The following CHD9 variants were observed in gnomAD, a reference collection of about 807,000 sequenced individuals.
CHD9 encodes ATP-dependent chromatin remodeler CHD9.
Under a neutral mutation model 316.1 loss-of-function variants are expected in CHD9, and 77 were observed. The observed-to-expected ratio is 0.24, with a 90% confidence interval of 0.20 to 0.29. The LOEUF (loss-of-function observed/expected upper bound fraction) is 0.29, where lower values mean the gene tolerates loss of function less well. Among genes scored for constraint, CHD9 ranks in the 10% least tolerant of loss-of-function variants. The pLI, the probability that CHD9 is intolerant of heterozygous loss-of-function variation, is 1.00. For missense variants in CHD9, 2,763 were observed against 3,438.1 expected (o/e 0.80, Z 4.91); for synonymous variants, 1,129 against 1,158.3 (o/e 0.97, Z 0.51).
intron 2 of CHD9, among the ~76,000 whole-genome samples, chr16:53,209,024 A>T (rs1316152900): frequency 6.6e-6 from 1 of 152,160 alleles, no homozygotes; most frequent in African/African-American, 2.4e-5. Flanking sequence ...TTCAGGTTGT[A>T]GTCGTAAAGC....
At chr16:53,251,637 A>G (rs1049942154) in intron 17 of CHD9, among the ~76,000 whole-genome samples, 6 of 152,218 alleles carry the variant, frequency 3.9e-5, no homozygotes, top group African/African-American at 1.4e-4. Flanking sequence ...TCTGAAGATA[A>G]TGGAAAGGTG....
intron 1 of CHD9, among the ~76,000 whole-genome samples, chr16:53,073,798 G>T (rs1396080705): frequency 6.6e-6 from 1 of 152,168 alleles, no homozygotes; most frequent in Non-Finnish European, 1.5e-5. Flanking sequence ...CAGCCATGTG[G>T]AACAATTAAA....
chr16:53,280,682 A>T (rs906713310), intron 24 of CHD9, among the ~76,000 whole-genome samples: 9 of 134,786 alleles, frequency 6.7e-5, no homozygotes, highest in African/African-American at 8.5e-5. Flanking sequence ...AATACAATTT[A>T]AAAAAAAAAA....
chr16:53,223,350 C>G (rs2047402767), intron 4 of CHD9: 1 of 151,142 alleles, frequency 6.6e-6, no homozygotes, highest in Non-Finnish European at 1.5e-5. Flanking sequence ...ACCCTCTGCT[C>G]TCTAATAACT....
intron 30 of CHD9, among the ~76,000 whole-genome samples, chr16:53,302,831 A>G (rs2055570556): frequency 6.6e-6 from 1 of 152,198 alleles, no homozygotes; most frequent in South Asian, 2.1e-4. Flanking sequence ...GCATTGTTTC[A>G]GCAAGCCCAT....
intron 2 of CHD9, among the ~76,000 whole-genome samples, chr16:53,201,604 A>G (rs2045460919): frequency 6.6e-6 from 1 of 152,174 alleles, no homozygotes; most frequent in Admixed American, 6.5e-5. Context: ...TTATTCCAGA[A>G]TATAAATTTT....
rs1364059645 is a variant in CHD9 at position 53,274,268 on chromosome 16, G to A, written c.4933G>A (p.Glu1645Lys). The A allele has an allele frequency of 5.0e-6, 8 of 1,598,296 alleles. No homozygotes were observed. In the South Asian group the frequency reaches 6.9e-5, roughly 14 times the overall value. The change falls in exon 24 of 39, where the codon GAG (glutamate) becomes AAG (lysine). Residue 1645 changes from glutamate to lysine, a missense_variant. Transcript: ENST00000447540. ...TCTAAAGCAAGAAGTTATTGGAAAT[G>A]AGTGTCAGAAAGTATTTGATGGAGT... ...YYLKQEVIGN[E>K]CQKVFDGVDA...
intron 3 of CHD9, among the ~76,000 whole-genome samples, chr16:53,210,366 A>G (rs914034824): frequency 1.3e-4 from 20 of 152,002 alleles, no homozygotes; most frequent in Admixed American, 1.0e-3. Context: ...TTACTTCCAT[A>G]TAGTCTGATT....
chr16:53,261,026 T>C (rs2051038649), intron 19 of CHD9, among the ~76,000 whole-genome samples: 2 of 151,214 alleles, frequency 1.3e-5, no homozygotes, highest in Non-Finnish European at 2.9e-5. Context: ...TTTATCACAT[T>C]CATCAGTTCA....
At chr16:53,255,374 G>A (rs1358566765) in intron 18 of CHD9, among the ~76,000 whole-genome samples, 2 of 152,112 alleles carry the variant, frequency 1.3e-5, no homozygotes, top group Admixed American at 6.6e-5. Context: ...CTTAGGCCTT[G>A]TTTTAACCAA....
In CHD9 at chr16:53,196,006, C is replaced by T. The variant is rs546521527; in HGVS notation, c.1453-13476C>T. 2.0e-5 allele frequency among the ~76,000 whole-genome samples: 3 copies of T among 152,180 alleles called. No individual in the cohort carries two copies. In the South Asian group the frequency reaches 6.2e-4, roughly 32 times the overall value. ...TGCTTGGCCTCAAATGATTCACTTG[C>T]CTCAGCCTCCCAAAGTGCTGAGATT... is the stretch of plus-strand genomic sequence containing the variant. On this transcript the variant is annotated intron_variant, in intron 2 of 38. Transcript: ENST00000447540.
At chr16:53,157,942 C>T (rs2041635986) in intron 2 of CHD9, among the ~76,000 whole-genome samples, 1 of 152,020 alleles carries the variant, frequency 6.6e-6, no homozygotes, top group South Asian at 2.1e-4. Context: ...AATTAGCAAA[C>T]TTTTAAGACC....
At chr16:53,221,762 C>G (rs2047257590) in intron 3 of CHD9, among the ~76,000 whole-genome samples, 1 of 151,798 alleles carries the variant, frequency 6.6e-6, no homozygotes, top group Non-Finnish European at 1.5e-5. Context: ...ATAAGATAAG[C>G]CTTAACATAA....
chr16:53,188,973 T>TTATA (rs2044268567), intron 2 of CHD9, among the ~76,000 whole-genome samples: 1 of 152,030 alleles, frequency 6.6e-6, no homozygotes, highest in Non-Finnish European at 1.5e-5. Context: ...TTTGTAGGAG[T>TTATA]TATTTATATA....
Position 53,292,911 on chromosome 16 carries a change from C to T in CHD9, c.5369C>T (p.Thr1790Ile), listed in dbSNP as rs2054465430. 6.2e-7 allele frequency: 1 copy of T among 1,613,780 alleles called. No individual in the cohort carries two copies. The highest frequency in any genetic ancestry group is 8.5e-7 in the Non-Finnish European group (1 of 1,179,868). ...ALTTRLRRLI[T>I]AYQRTNKNRQ... Reference sequence around the variant, plus strand: ...ACCACACGTTTGAGGCGTCTCATCACTGCATACCAGCGTACTAATAAAAAC... The same window carrying T: ...ACCACACGTTTGAGGCGTCTCATCATTGCATACCAGCGTACTAATAAAAAC... Residue 1790 changes from threonine (T) to isoleucine (I), a missense_variant, in exon 29 of 39, where the codon ACT becomes ATT. This residue lies in a region of CHD9 where 183 missense variants were observed against 258.5 expected (regional missense o/e 0.71). Transcript: ENST00000447540.
intron 1 of CHD9, among the ~76,000 whole-genome samples, chr16:53,120,781 G>C (rs2038690175): frequency 6.6e-6 from 1 of 152,096 alleles, no homozygotes; most frequent in Admixed American, 6.5e-5. Context: ...GAGGCGGGTG[G>C]ATCACTTGAG....
At chr16:53,175,909 A>G (rs536928401) in intron 2 of CHD9, among the ~76,000 whole-genome samples, 17 of 152,286 alleles carry the variant, frequency 1.1e-4, no homozygotes, top group African/African-American at 3.6e-4. Context: ...AGTCATACAG[A>G]TAGTGGCAAA....
chr16:53,089,218 C>A (rs369644424), intron 1 of CHD9, among the ~76,000 whole-genome samples: 2 of 151,134 alleles, frequency 1.3e-5, no homozygotes, highest in African/African-American at 2.4e-5. Context: ...CCCGGGAGGT[C>A]GAGACTGCAG....
At chr16:53,113,364 CTTTTTT>C (rs35792251) in intron 1 of CHD9, among the ~76,000 whole-genome samples, 1 of 116,006 alleles carries the variant, frequency 8.6e-6, no homozygotes, top group East Asian at 2.5e-4. Flanking sequence ...AATCTTGGCA[CTTTTTT>C]TTTTTTTTTT....
Sources: allele counts gnomAD v4.1 joint callset (sites outside exome capture counted in the v4.1 genomes callset), GRCh38; gene constraint gnomAD v4.1.1; regional missense constraint gnomAD v4.1.1; transcripts MANE v1.5; gene names NCBI Gene and HGNC (gene_info 2026-07-23, HGNC 2026-07-21).